The following HPF1 variants were observed in gnomAD, a reference collection of about 807,000 sequenced individuals.
HPF1 encodes histone PARylation factor 1, also known as UPF0609 protein C4orf27.
A neutral mutation model predicts 38.8 loss-of-function variants in HPF1; 35 were observed. The observed-to-expected ratio is 0.90, with a 90% CI of 0.69 to 1.19. The LOEUF (loss-of-function observed/expected upper bound fraction) is 1.19, where lower values mean the gene tolerates loss of function less well. HPF1 is among the 50% of genes most tolerant of loss of function. HPF1 has a pLI of 0.00. For missense variants in HPF1, 367 were observed against 405.8 expected, an observed-to-expected ratio of 0.90 and a Z score of 0.82; for synonymous variants, 115 against 139.2, an observed-to-expected ratio of 0.83 and a Z score of 1.22.
intron 4 of HPF1, among the ~76,000 whole-genome samples, chr4:169,746,093 T>C (rs1311546424): frequency 1.3e-5 from 2 of 152,236 alleles, no homozygotes; most frequent in East Asian, 3.8e-4. Flanking sequence ...CCATATGCAT[T>C]AGACAGTATG....
chr4:169,737,352 AT>A (rs1282184705), intron 6 of HPF1, among the ~76,000 whole-genome samples: 1 of 151,992 alleles, frequency 6.6e-6, no homozygotes, highest in Non-Finnish European at 1.5e-5. Flanking sequence ...TGAGGCAAGC[AT>A]TTTGTTAAGT....
At chr4:169,739,926 G>A (rs1733944418) in intron 5 of HPF1, among the ~76,000 whole-genome samples, 1 of 152,118 alleles carries the variant, frequency 6.6e-6, no homozygotes, top group East Asian at 1.9e-4. Context: ...AAAGAATGAT[G>A]GTAATATGTT....
chr4:169,741,839 A>G (rs1733973132), intron 5 of HPF1, 118 bp downstream of exon 5: 2 of 796,392 alleles, frequency 2.5e-6, no homozygotes, highest in Non-Finnish European at 4.0e-6. Context: ...CCTAAGGGAC[A>G]GCATCCAGTT....
At chr4:169,753,934 T>C (rs1462053736) in intron 1 of HPF1, 99 bp from the exon 2 acceptor site, 1 of 913,250 alleles carries the variant, frequency 1.1e-6, no homozygotes, top group African/African-American at 1.7e-5. Context: ...ATGAAATACA[T>C]GTGTTTTCCT....
At chr4:169,742,620 G>A (rs565606913) in intron 4 of HPF1, among the ~76,000 whole-genome samples, 12 of 152,056 alleles carry the variant, frequency 7.9e-5, no homozygotes, top group South Asian at 2.1e-4. Context: ...GTGAAACCCC[G>A]TCTCTACTAA....
At chr4:169,741,752 A>G (rs375485571) in intron 5 of HPF1, among the ~76,000 whole-genome samples, 53 of 152,296 alleles carry the variant, frequency 3.5e-4, no homozygotes, top group African/African-American at 1.2e-3. Context: ...GCGCAATTCA[A>G]TCAGTGTACC....
At position 169,729,591 on chromosome 4, in the gene HPF1, T is replaced by C; in HGVS notation, c.1028A>G (p.Gln343Arg). Residue 343 changes from glutamine to arginine, a missense_variant, in exon 8 of 8, where the codon CAA (glutamine) becomes CGA (arginine). Coordinates refer to ENST00000393381, the MANE Select transcript of HPF1 (RefSeq NM_017867.3). Reference sequence around the variant, plus strand: ...AAGCCACCTTACTCATGCAGCAAGTTGGTCTATGTTCTCTTGACTTCTGTT... The same window carrying C: ...AAGCCACCTTACTCATGCAGCAAGTCGGTCTATGTTCTCTTGACTTCTGTT... ...LANRSQENID[Q>R]LAA 1 of 1,549,566 alleles carries C rather than the reference T, an allele frequency of 6.5e-7. No individual in the cohort carries two copies. Among genetic ancestry groups the C allele is most frequent in the Non-Finnish European group, 8.7e-7 (1 of 1,149,794 alleles).
intron 1 of HPF1, among the ~76,000 whole-genome samples, chr4:169,755,161 C>T (rs1206369755): frequency 6.8e-6 from 1 of 147,108 alleles, no homozygotes; most frequent in African/African-American, 2.5e-5. Context: ...TCAGATGATA[C>T]AAGAATGGTC....
intron 4 of HPF1, among the ~76,000 whole-genome samples, chr4:169,746,570 T>C (rs1326831170): frequency 6.6e-6 from 1 of 152,130 alleles, no homozygotes; most frequent in East Asian, 1.9e-4. Flanking sequence ...CTTTAGTTAC[T>C]ATTAAATCTT....
chr4:169,752,631 C>T (rs1195273655), intron 2 of HPF1, among the ~76,000 whole-genome samples: 6 of 152,114 alleles, frequency 3.9e-5, no homozygotes, highest in African/African-American at 1.4e-4. Flanking sequence ...TCTTCTTTTT[C>T]ACTTAACATA....
intron 2 of HPF1, among the ~76,000 whole-genome samples, chr4:169,752,692 AAAC>A (rs1370576612): frequency 1.3e-5 from 2 of 152,198 alleles, no homozygotes; most frequent in African/African-American, 4.8e-5. Flanking sequence ...CATTCTTTTA[AAAC>A]AATGAAGATC....
intron 1 of HPF1, 142 bp downstream of exon 1, chr4:169,757,688 G>T: frequency 1.2e-6 from 1 of 828,654 alleles, no homozygotes; most frequent in Non-Finnish European, 1.9e-6. Flanking sequence ...AGCGGCCCTG[G>T]GCAGGATCCC....
chr4:169,737,771 T>G (rs535057665), intron 5 of HPF1, 24 bp from the exon 6 acceptor site: 3 of 1,502,656 alleles, frequency 2.0e-6, no homozygotes, highest in Non-Finnish European at 2.8e-6. Flanking sequence ...AAGAATAAAA[T>G]GTAATCATGG....
chr4:169,736,899 G>T (rs1386008855), intron 6 of HPF1, among the ~76,000 whole-genome samples: 4 of 152,142 alleles, frequency 2.6e-5, no homozygotes, highest in Non-Finnish European at 4.4e-5. Context: ...TAGATTATGC[G>T]CAGTGGTCCA....
chr4:169,749,570 G>C (rs1734091949), intron 3 of HPF1, among the ~76,000 whole-genome samples: 1 of 152,098 alleles, frequency 6.6e-6, no homozygotes, highest in East Asian at 1.9e-4. Context: ...GATCTAGGTT[G>C]ATGCCTTTTT....
chr4:169,757,685 C>T, intron 1 of HPF1, 145 bp downstream of exon 1: 2 of 813,930 alleles, frequency 2.5e-6, no homozygotes, highest in Non-Finnish European at 4.0e-6. Flanking sequence ...AACAGCGGCC[C>T]TGGGCAGGAT....
chr4:169,752,997 T>C (rs1383745653), intron 2 of HPF1, among the ~76,000 whole-genome samples: 3 of 152,044 alleles, frequency 2.0e-5, no homozygotes, highest in African/African-American at 7.2e-5. Context: ...AAAATATTTG[T>C]TTTCTATGAA....
intron 5 of HPF1, 73 bp from the exon 6 acceptor site, chr4:169,737,820 A>C: frequency 2.2e-6 from 2 of 907,694 alleles, no homozygotes; most frequent in Non-Finnish European, 3.6e-6. Context: ...AAATACATAA[A>C]CCCTCAACAT....
chr4:169,736,415 G>A (rs1733895904), intron 6 of HPF1, among the ~76,000 whole-genome samples: 2 of 151,078 alleles, frequency 1.3e-5, no homozygotes, highest in African/African-American at 4.9e-5. Flanking sequence ...TTTTGTTGCA[G>A]GAGCCACCTG....
Sources: gnomAD v4.1 joint callset for allele counts (sites outside exome capture counted in the v4.1 genomes callset) on GRCh38, gnomAD v4.1.1 for gene constraint, MANE v1.5 for transcripts, NCBI Gene and HGNC (gene_info 2026-07-23, HGNC 2026-07-21) for gene names.